The following LMBR1 variants were observed in gnomAD, a reference collection of about 807,000 sequenced individuals.
The protein encoded by LMBR1 is limb development membrane protein 1, also known as limb region 1 protein homolog.
In LMBR1, 52 loss-of-function variants were observed where a neutral mutation model predicts 73.9. That is an observed-to-expected ratio of 0.70 (90% CI 0.56 to 0.89). The LOEUF is 0.89. LMBR1 is among the 40% of genes least tolerant of loss of function. LMBR1 has a pLI of 0.00. For missense variants in LMBR1, 539 were observed against 579.8 expected, an observed-to-expected ratio of 0.93 and a Z score of 0.72; for synonymous variants, 215 against 209.4, an observed-to-expected ratio of 1.03 and a Z score of -0.23.
intron 14 of LMBR1, among the ~76,000 whole-genome samples, chr7:156,724,909 T>C (rs1324458253): frequency 6.6e-6 from 1 of 152,130 alleles, no homozygotes; most frequent in Non-Finnish European, 1.5e-5. Flanking sequence ...TACGGGAATA[T>C]TTTATAAAGA....
At chr7:156,854,098 T>C (rs1325253058) in intron 1 of LMBR1, among the ~76,000 whole-genome samples, 2 of 152,068 alleles carry the variant, frequency 1.3e-5, no homozygotes, top group African/African-American at 4.8e-5. Context: ...TGAAAGGAGC[T>C]TGGAAGTCAT....
At chr7:156,864,898 A>G (rs573752512) in intron 1 of LMBR1, among the ~76,000 whole-genome samples, 19 of 150,900 alleles carry the variant, frequency 1.3e-4, no homozygotes, top group Non-Finnish European at 2.2e-4. Flanking sequence ...CAGGAGGCTG[A>G]GGCAGGAGAA....
chr7:156,844,449 A>G (rs1407705782), intron 1 of LMBR1, among the ~76,000 whole-genome samples: 1 of 152,168 alleles, frequency 6.6e-6, no homozygotes, highest in Non-Finnish European at 1.5e-5. Flanking sequence ...GTTCTACTCT[A>G]AAGTTGTAAG....
chr7:156,748,984 A>T (rs555632388), intron 9 of LMBR1, among the ~76,000 whole-genome samples: 1 of 152,310 alleles, frequency 6.6e-6, no homozygotes, highest in Non-Finnish European at 1.5e-5. Context: ...ATTGTCATAA[A>T]TTGTGAATAA....
chr7:156,745,738 G>A (rs145317476), intron 9 of LMBR1, among the ~76,000 whole-genome samples: 23 of 152,318 alleles, frequency 1.5e-4, no homozygotes, highest in African/African-American at 5.3e-4. Flanking sequence ...GTTTCTAGGA[G>A]AAGTAAATCC....
chr7:156,771,840 A>C (rs909952672), intron 5 of LMBR1, among the ~76,000 whole-genome samples: 1 of 152,230 alleles, frequency 6.6e-6, no homozygotes, highest in Non-Finnish European at 1.5e-5. Context: ...TCCTCAACAA[A>C]ATACTAGCAA....
At chr7:156,777,062 G>A (rs374813376) in intron 5 of LMBR1, among the ~76,000 whole-genome samples, 1 of 151,938 alleles carries the variant, frequency 6.6e-6, no homozygotes, top group African/African-American at 2.4e-5. Context: ...CTCCTGAGTA[G>A]TTGGGACTAC....
chr7:156,675,641 C>T (rs1803739642), downstream of LMBR1: 1 of 1,541,930 alleles, frequency 6.5e-7, no homozygotes, highest in African/African-American at 1.4e-5. Context: ...GAGCGCTTCC[C>T]TGCAACCTCC....
At chr7:156,729,420 T>TA (rs1816409304) in intron 10 of LMBR1, among the ~76,000 whole-genome samples, 2 of 150,494 alleles carry the variant, frequency 1.3e-5, no homozygotes, top group Admixed American at 6.7e-5. Context: ...TACATATTGA[T>TA]ATATATATAT....
intron 1 of LMBR1, among the ~76,000 whole-genome samples, chr7:156,874,350 G>A (rs113282094): frequency 2.8e-4 from 43 of 152,312 alleles, no homozygotes; most frequent in South Asian, 6.2e-4. Flanking sequence ...GCCCGCAAGC[G>A]CCACACGCAG....
chr7:156,753,757 G>A (rs1821329079), intron 9 of LMBR1, among the ~76,000 whole-genome samples: 1 of 152,060 alleles, frequency 6.6e-6, no homozygotes, highest in Non-Finnish European at 1.5e-5. Flanking sequence ...TGTGGGGAAG[G>A]GGAAGGCCGC....
chr7:156,815,541 T>C (rs746725596), intron 4 of LMBR1, among the ~76,000 whole-genome samples: 1 of 152,214 alleles, frequency 6.6e-6, no homozygotes, highest in Non-Finnish European at 1.5e-5. Flanking sequence ...AACATCTTTG[T>C]GAAACTCAAA....
rs1195809750 is a variant in LMBR1, at chr7:156,826,687, G to A, written c.237C>T (p.Pro79=). ...GGATTTCATTGCTGATGATTGAGAAGGGTAAAAGCAAAACAGCCCCAGCTG... is the reference window on the plus strand; with the variant it reads ...GGATTTCATTGCTGATGATTGAGAAAGGTAAAAGCAAAACAGCCCCAGCTG... ...AVSAGAVLLL[P]FSIISNEILL... The change falls in exon 4 of 17, where the codon CCC becomes CCT. Residue 79 remains proline (P), a synonymous_variant. Coordinates refer to ENST00000353442, the MANE Select transcript of LMBR1 (RefSeq NM_022458.4). 2 of 1,611,280 alleles carry A rather than the reference G, an allele frequency of 1.2e-6. No individual in the cohort carries two copies. Among genetic ancestry groups the A allele is most frequent in the East Asian group, 4.5e-5 (2 of 44,852 alleles).
intron 4 of LMBR1, among the ~76,000 whole-genome samples, chr7:156,807,730 T>G (rs2133558303): frequency 6.6e-6 from 1 of 152,354 alleles, no homozygotes; most frequent in South Asian, 2.1e-4. Context: ...AGGCCTTTTT[T>G]CTGTTGTAAT....
At chr7:156,754,372 C>T (rs1441819305) in intron 9 of LMBR1, among the ~76,000 whole-genome samples, 1 of 152,052 alleles carries the variant, frequency 6.6e-6, no homozygotes, top group African/African-American at 2.4e-5. Context: ...AAAAAAAATA[C>T]TGTTATTTCT....
At chr7:156,751,529 C>G (rs1395141730) in intron 9 of LMBR1, among the ~76,000 whole-genome samples, 1 of 152,170 alleles carries the variant, frequency 6.6e-6, no homozygotes, top group Non-Finnish European at 1.5e-5. Context: ...GTGGGAAGAT[C>G]TGACTCATAT....
intron 1 of LMBR1, among the ~76,000 whole-genome samples, chr7:156,855,257 C>T (rs1195141282): frequency 6.6e-6 from 1 of 152,154 alleles, no homozygotes; most frequent in South Asian, 2.1e-4. Flanking sequence ...TATACTGTAA[C>T]AGAAATGAAG....
intron 15 of LMBR1, among the ~76,000 whole-genome samples, chr7:156,708,757 A>G (rs1321141705): frequency 6.6e-6 from 1 of 152,196 alleles, no homozygotes; most frequent in Non-Finnish European, 1.5e-5. Flanking sequence ...CAGATGGGGA[A>G]GGGCAAAGCC....
At chr7:156,708,280 T>A (rs1319404409) in intron 15 of LMBR1, among the ~76,000 whole-genome samples, 1 of 152,308 alleles carries the variant, frequency 6.6e-6, no homozygotes, top group Admixed American at 6.5e-5. Flanking sequence ...CAGCATATCA[T>A]TGCAAATTCC....
Sources: allele counts gnomAD v4.1 joint callset (sites outside exome capture counted in the v4.1 genomes callset), GRCh38; gene constraint gnomAD v4.1.1; transcripts MANE v1.5; gene names NCBI Gene and HGNC (gene_info 2026-07-23, HGNC 2026-07-21).